The following FAT3 variants were observed in gnomAD, a reference collection of about 807,000 sequenced individuals.
FAT3 encodes FAT atypical cadherin 3, also known as protocadherin Fat 3.
A neutral mutation model predicts 310.2 loss-of-function variants in FAT3; 95 were observed. The observed-to-expected ratio is 0.31, with a 90% CI of 0.26 to 0.36. The LOEUF (loss-of-function observed/expected upper bound fraction) is 0.36. Among genes scored for constraint, FAT3 ranks in the 10% least tolerant of loss-of-function variants. The pLI, the probability that FAT3 is intolerant of heterozygous loss-of-function variation, is 1.00. For missense variants in FAT3, 5,408 were observed against 5,715.6 expected (o/e 0.95, Z 1.74); for synonymous variants, 2,314 against 2,192.9 (o/e 1.06, Z -1.54).
chr11:92,659,592 G>C (rs569041028), intron 3 of FAT3, among the ~76,000 whole-genome samples: 2 of 152,296 alleles, frequency 1.3e-5, no homozygotes, highest in African/African-American at 4.8e-5. Context: ...GGAAGTCTCT[G>C]AGAGGAAAAG....
intron 23 of FAT3, 147 bp from the exon 24 acceptor site, chr11:92,882,591 C>CG (rs1555169699): frequency 7.3e-6 from 4 of 551,010 alleles, no homozygotes; most frequent in South Asian, 6.2e-5. Context: ...CCCCTCCCCC[C>CG]CCCCACCAAC....
At position 92,309,554 on chromosome 11, in the gene FAT3, C is replaced by T. The variant is rs1032772971; in HGVS notation, c.-17-42542C>T. 3.9e-4 allele frequency among the ~76,000 whole-genome samples: 59 copies of T among 152,214 alleles called. 1 individual carries two copies. Among genetic ancestry groups the T allele is most frequent in the African/African-American group, 1.4e-3 (57 of 41,516 alleles). ...CCTTCGGGAAAGTAATTATTCTGCT[C>T]CTCTCCCTGTTTCTTTCCCACCCCT... is the stretch of plus-strand genomic sequence containing the variant. On this transcript the variant is annotated intron_variant, in intron 1 of 27. Transcript: ENST00000525166.
intron 1 of FAT3, among the ~76,000 whole-genome samples, chr11:92,305,111 C>T (rs932443005): frequency 6.6e-6 from 1 of 152,012 alleles, no homozygotes. Flanking sequence ...TTGCTTCTGC[C>T]CTCCCCTTTG....
intron 4 of FAT3, among the ~76,000 whole-genome samples, chr11:92,699,221 A>G (rs1434447497): frequency 6.6e-6 from 1 of 152,224 alleles, no homozygotes; most frequent in Admixed American, 6.5e-5. Context: ...GGAAGTATGA[A>G]GAGAAGTTAA....
chr11:92,847,776 C>T (rs956405482), intron 19 of FAT3, among the ~76,000 whole-genome samples: 4 of 152,130 alleles, frequency 2.6e-5, no homozygotes, highest in Non-Finnish European at 5.9e-5. Context: ...GTTTTAATAG[C>T]AATAGCTTTC....
chr11:92,751,812 C>G (rs545901415), intron 4 of FAT3, among the ~76,000 whole-genome samples: 1 of 152,120 alleles, frequency 6.6e-6, no homozygotes, highest in Non-Finnish European at 1.5e-5. Context: ...GAAAAGAGCA[C>G]GTGCTGCCAC....
chr11:92,834,974 A>G lies in FAT3; in HGVS notation c.9976A>G (p.Thr3326Ala), dbSNP rs1299377117. ...GGTPALSAVA[T>A]VNINLTDVND... The stretch of plus-strand genomic sequence containing the variant: ...CACCCCAGCTCTCAGCGCTGTGGCC[A>G]CTGTCAACATCAACCTCACAGATGT... The change falls in exon 15 of 28, where the codon ACT becomes GCT. Residue 3326 changes from threonine (T) to alanine (A), a missense_variant. Thr to Ala is a moderately conservative substitution (Grantham distance 58). Transcript: ENST00000525166. 1.2e-6 allele frequency: 2 copies of G among 1,613,520 alleles called. No homozygotes were observed. Among genetic ancestry groups the G allele is most frequent in the Non-Finnish European group, 1.7e-6 (2 of 1,179,772 alleles).
In FAT3 at chr11:92,353,906, A is replaced by G. The variant is rs745503979; in HGVS notation, c.1794A>G (p.Thr598=). Residue 598 remains threonine, a synonymous_variant, in exon 2 of 28, where the codon ACA becomes ACG. Coordinates refer to ENST00000525166, the MANE Select transcript of FAT3 (RefSeq NM_001367949.2). ...SYDFPVGGHI[T]AVSAIDIDEL... ...ACTTTCCAGTTGGTGGTCACATCAC[A>G]GCAGTCTCAGCGATCGATATCGATG... 2 of 1,612,690 alleles carry G rather than the reference A, an allele frequency of 1.2e-6. No individual in the cohort carries two copies. The highest frequency in any genetic ancestry group is 2.2e-5 in the East Asian group (1 of 44,848).
chr11:92,695,243 A>G (rs1319876367), intron 3 of FAT3, among the ~76,000 whole-genome samples: 2 of 152,126 alleles, frequency 1.3e-5, no homozygotes, highest in Non-Finnish European at 2.9e-5. Context: ...ATAGTACTTT[A>G]CTCTTAGAAT....
Position 92,738,468 on chromosome 11 carries a change from T to A in FAT3, c.3670-23388T>A, listed in dbSNP as rs185727159. Among the ~76,000 whole-genome samples, 1,298 of 152,260 alleles carry A rather than the reference T, an allele frequency of 8.5e-3. 29 individuals carry two copies. The highest frequency in any genetic ancestry group is 0.03 in the African/African-American group (1,236 of 41,542). On this transcript the variant is annotated intron_variant, in intron 4 of 27. Transcript: ENST00000525166. Reference sequence around the variant, plus strand: ...GTGATTTGTAATCATGGCTGTCATCTCCTCCAGATGGGAAGCTCCTGTGGC... The same window carrying A: ...GTGATTTGTAATCATGGCTGTCATCACCTCCAGATGGGAAGCTCCTGTGGC...
chr11:92,867,609 A>T (rs1407287882), intron 22 of FAT3, among the ~76,000 whole-genome samples: 1 of 152,212 alleles, frequency 6.6e-6, no homozygotes, highest in Non-Finnish European at 1.5e-5. Flanking sequence ...ATGCCCATGC[A>T]CATGAAATTG....
intron 3 of FAT3, among the ~76,000 whole-genome samples, chr11:92,543,770 T>C (rs1167182519): frequency 1.3e-5 from 2 of 152,236 alleles, no homozygotes; most frequent in South Asian, 2.1e-4. Flanking sequence ...TTGATTTGTA[T>C]ATTAATTATG....
In FAT3 at chr11:92,329,253, T is replaced by C. The variant is rs183636187; in HGVS notation, c.-17-22843T>C. On this transcript the variant is annotated intron_variant, in intron 1 of 27. Transcript: ENST00000525166. ...GGCTTAATAGGAAACCTTTGGGTCA[T>C]GGGGGTGGGTCCTTCTTGAAAAGAT... Among the ~76,000 whole-genome samples, 54 of 152,214 alleles carry C rather than the reference T, an allele frequency of 3.5e-4. No homozygotes were observed. In the East Asian group the frequency reaches 6.2e-3, roughly 17 times the overall value.
At chr11:92,827,496 A>C (rs1948131691) in intron 13 of FAT3, among the ~76,000 whole-genome samples, 1 of 152,192 alleles carries the variant, frequency 6.6e-6, no homozygotes, top group Admixed American at 6.5e-5. Flanking sequence ...GCCCAAGGAC[A>C]CTTGTGTAGT....
chr11:92,336,437 T>C (rs1450510021), intron 1 of FAT3: 1 of 320,736 alleles, frequency 3.1e-6, no homozygotes, highest in African/African-American at 2.2e-5. Context: ...CCAAGAGCCT[T>C]TGCATCACCA....
intron 4 of FAT3, among the ~76,000 whole-genome samples, chr11:92,728,873 A>G (rs2135992687): frequency 6.6e-6 from 1 of 152,280 alleles, no homozygotes; most frequent in East Asian, 1.9e-4. Flanking sequence ...TAGTGATGTC[A>G]TCTATGGCCC....
Position 92,857,334 on chromosome 11 carries a change from T to G in FAT3, c.11486T>G (p.Leu3829Arg). The part of the protein sequence containing the change: ...PFLCQCPPGK[L>R]GECSGHTSLS... ...CTCTGCCAGTGTCCACCAGGGAAGC[T>G]CGGAGAGTGCTCAGGTGCAGAGTGG... Residue 3829 changes from leucine (L) to arginine (R), a missense_variant, in exon 20 of 28, where the codon CTC (leucine) becomes CGC (arginine). By Grantham distance (102) the Leu-to-Arg change is moderately radical. This residue lies in a region of FAT3 where 4,588 missense variants were observed against 4,809.8 expected (regional missense o/e 0.95). Coordinates refer to ENST00000525166, the MANE Select transcript of FAT3 (RefSeq NM_001367949.2). 6.2e-7 allele frequency: 1 copy of G among 1,614,012 alleles called. No homozygotes were observed. Among genetic ancestry groups the G allele is most frequent in the East Asian group, 2.2e-5 (1 of 44,870 alleles).
At chr11:92,434,178 G>A (rs1011783540) in intron 2 of FAT3, among the ~76,000 whole-genome samples, 3 of 152,028 alleles carry the variant, frequency 2.0e-5, no homozygotes, top group African/African-American at 4.8e-5. Context: ...CTCCTATTCC[G>A]GGAAAGTAAG....
At chr11:92,403,084 G>A (rs1402167573) in intron 2 of FAT3, 4 of 152,174 alleles carry the variant, frequency 2.6e-5, no homozygotes, top group African/African-American at 2.4e-5. Context: ...TGCAAACTTG[G>A]TAGTACCATG....
Sources: gnomAD v4.1 joint callset for allele counts (sites outside exome capture counted in the v4.1 genomes callset) on GRCh38, gnomAD v4.1.1 for gene constraint, gnomAD v4.1.1 regional missense constraint, MANE v1.5 for transcripts, NCBI Gene and HGNC (gene_info 2026-07-23, HGNC 2026-07-21) for gene names.